SLC25A21: variants seen among roughly 807,000 people sequenced by gnomAD.
SLC25A21 encodes mitochondrial 2-oxodicarboxylate carrier.
Under a neutral mutation model 43.8 loss-of-function variants are expected in SLC25A21, and 47 were observed. The ratio of observed to expected loss-of-function variants is 1.07; its 90% CI spans 0.85 to 1.37. The LOEUF is 1.37. SLC25A21 is among the 40% of genes most tolerant of loss of function. The pLI is 0.00. For synonymous variants in SLC25A21, 131 were observed against 121.3 expected (o/e 1.08, Z -0.52); for missense variants, 352 against 350.2 (o/e 1.00, Z -0.04).
At chr14:36,837,364 C>T (rs951800068) in intron 2 of SLC25A21, among the ~76,000 whole-genome samples, 3 of 151,976 alleles carry the variant, frequency 2.0e-5, no homozygotes, top group Non-Finnish European at 2.9e-5. Context: ...CCGAACAGTG[C>T]AGAGGAAGTG....
At chr14:36,806,605 C>A (rs1276598696) in intron 3 of SLC25A21, among the ~76,000 whole-genome samples, 1 of 152,094 alleles carries the variant, frequency 6.6e-6, no homozygotes, top group Admixed American at 6.5e-5. Context: ...AGTAGTATGT[C>A]CATGCCTGAA....
At chr14:36,693,758 C>T (rs901807522) in intron 7 of SLC25A21, among the ~76,000 whole-genome samples, 1 of 151,960 alleles carries the variant, frequency 6.6e-6, no homozygotes, top group Non-Finnish European at 1.5e-5. Flanking sequence ...CTCAGCTTCC[C>T]GAGTAGCTGG....
intron 1 of SLC25A21, among the ~76,000 whole-genome samples, chr14:36,928,684 G>A (rs976718064): frequency 2.0e-5 from 3 of 152,080 alleles, no homozygotes; most frequent in Non-Finnish European, 4.4e-5. Flanking sequence ...AGAGATTGCC[G>A]AATTGCTCAG....
intron 1 of SLC25A21, among the ~76,000 whole-genome samples, chr14:37,003,533 C>T (rs1001333436): frequency 6.6e-6 from 1 of 152,170 alleles, no homozygotes; most frequent in African/African-American, 2.4e-5. Flanking sequence ...CCCAAATGCT[C>T]ATCAACACAA....
At chr14:36,726,975 A>T (rs1884626653) in intron 5 of SLC25A21, among the ~76,000 whole-genome samples, 1 of 152,202 alleles carries the variant, frequency 6.6e-6, no homozygotes, top group Non-Finnish European at 1.5e-5. Flanking sequence ...TTAGAAAGGG[A>T]GGCACAAAGG....
chr14:37,172,247 T>C (rs758020031), intron 1 of SLC25A21, 34 bp downstream of exon 1: 18 of 1,561,540 alleles, frequency 1.2e-5, no homozygotes, highest in Admixed American at 1.9e-5. Flanking sequence ...GGAAAGCGAC[T>C]AGCCTCCGGC....
chr14:36,729,160 T>C (rs1884718464), intron 5 of SLC25A21, among the ~76,000 whole-genome samples: 2 of 152,222 alleles, frequency 1.3e-5, no homozygotes, highest in African/African-American at 4.8e-5. Flanking sequence ...AGTGACCTGT[T>C]TGGCATGTTG....
chr14:36,980,029 T>C (rs1270738750), intron 1 of SLC25A21, among the ~76,000 whole-genome samples: 1 of 152,226 alleles, frequency 6.6e-6, no homozygotes, highest in African/African-American at 2.4e-5. Context: ...TAGTTACCTA[T>C]AGGGAAGACT....
chr14:36,780,178 T>C (rs960862702), intron 3 of SLC25A21, among the ~76,000 whole-genome samples: 1 of 151,954 alleles, frequency 6.6e-6, no homozygotes, highest in Non-Finnish European at 1.5e-5. Flanking sequence ...CTCTGTGATA[T>C]CAGTTGTAAT....
chr14:36,785,443 T>C (rs1397016580), intron 3 of SLC25A21, among the ~76,000 whole-genome samples: 1 of 152,174 alleles, frequency 6.6e-6, no homozygotes, highest in Non-Finnish European at 1.5e-5. Flanking sequence ...TGCATGTGAA[T>C]AGTAGAGATG....
intron 1 of SLC25A21, among the ~76,000 whole-genome samples, chr14:37,018,888 C>A (rs1960922298): frequency 1.3e-5 from 2 of 151,806 alleles, no homozygotes; most frequent in South Asian, 4.1e-4. Flanking sequence ...TTATTATTTT[C>A]TTGCTTAGGT....
intron 1 of SLC25A21, among the ~76,000 whole-genome samples, chr14:36,904,394 A>C (rs1408790749): frequency 6.6e-6 from 1 of 152,186 alleles, no homozygotes; most frequent in African/African-American, 2.4e-5. Context: ...CAAAGGTTGC[A>C]AGAGATTTTT....
intron 2 of SLC25A21, among the ~76,000 whole-genome samples, chr14:36,838,983 C>T (rs558749610): frequency 1.3e-5 from 2 of 152,262 alleles, no homozygotes; most frequent in South Asian, 2.1e-4. Flanking sequence ...CACAACCTGC[C>T]AAAAAGCATT....
chr14:36,983,793 G>A (rs900704599), intron 1 of SLC25A21, among the ~76,000 whole-genome samples: 4 of 152,066 alleles, frequency 2.6e-5, no homozygotes, highest in Admixed American at 6.6e-5. Context: ...TATACACAAC[G>A]GAATACTAGG....
intron 7 of SLC25A21, among the ~76,000 whole-genome samples, chr14:36,701,926 G>C (rs1479989350): frequency 6.6e-6 from 1 of 152,160 alleles, no homozygotes; most frequent in African/African-American, 2.4e-5. Flanking sequence ...AGCACACTGA[G>C]ATGCTTCAAC....
At chr14:36,830,367 C>T (rs1345482094) in intron 2 of SLC25A21, among the ~76,000 whole-genome samples, 1 of 152,126 alleles carries the variant, frequency 6.6e-6, no homozygotes, top group East Asian at 1.9e-4. Context: ...GCCTCATTCG[C>T]GGAAGTGAGG....
intron 3 of SLC25A21, among the ~76,000 whole-genome samples, chr14:36,770,625 TGTGATTTCTG>T (rs1413859155): frequency 6.6e-6 from 1 of 152,170 alleles, no homozygotes; most frequent in Non-Finnish European, 1.5e-5. Flanking sequence ...GTTGATTACT[TGTGATTTCTG>T]GTGATTTCTA....
At chr14:36,827,653 A>G (rs1387271262) in intron 2 of SLC25A21, among the ~76,000 whole-genome samples, 1 of 152,234 alleles carries the variant, frequency 6.6e-6, no homozygotes, top group African/African-American at 2.4e-5. Context: ...ACTTTCTACA[A>G]TGAAGATTGG....
At chr14:36,888,938 T>C (rs1397093153) in intron 1 of SLC25A21, among the ~76,000 whole-genome samples, 3 of 152,254 alleles carry the variant, frequency 2.0e-5, no homozygotes, top group African/African-American at 7.2e-5. Context: ...ATTAGCTTTC[T>C]TTAATATGTA....
Sources: gnomAD v4.1 joint callset for allele counts (sites outside exome capture counted in the v4.1 genomes callset) on GRCh38, gnomAD v4.1.1 for gene constraint, MANE v1.5 for transcripts, NCBI Gene and HGNC (gene_info 2026-07-23, HGNC 2026-07-21) for gene names.